LRRIQ3: variants seen among roughly 807,000 people sequenced by gnomAD.
LRRIQ3 encodes leucine rich repeats and IQ motif containing 3, also known as leucine-rich repeat and IQ domain-containing protein 3.
A neutral mutation model predicts 59.3 loss-of-function variants in LRRIQ3; 75 were observed. The observed-to-expected ratio is 1.26, with a 90% CI of 1.05 to 1.53. The LOEUF (loss-of-function observed/expected upper bound fraction) is 1.53, where lower values mean the gene tolerates loss of function less well. Ranked by LOEUF, LRRIQ3 falls within the 40% of genes most tolerant of loss-of-function variation. The pLI, the probability that LRRIQ3 is intolerant of heterozygous loss-of-function variation, is 0.00. For synonymous variants in LRRIQ3, 250 were observed against 231.3 expected, an observed-to-expected ratio of 1.08 and a Z score of -0.73; for missense variants, 831 against 710.0, an observed-to-expected ratio of 1.17 and a Z score of -1.94.
chr1:74,196,285 C>T (rs1460940406), intron 1 of LRRIQ3, among the ~76,000 whole-genome samples: 1 of 152,046 alleles, frequency 6.6e-6, no homozygotes, highest in Non-Finnish European at 1.5e-5. Context: ...CAATTGTTAC[C>T]ACTGGATTTT....
intron 6 of LRRIQ3, among the ~76,000 whole-genome samples, chr1:74,048,261 G>T (rs6424572): frequency 0.83 from 125,779 of 152,120 alleles, 53,534 homozygotes; most frequent in East Asian, 0.97. Flanking sequence ...AGTGCTCAGA[G>T]ACATTGATCA....
At chr1:74,176,902 T>C (rs535843087) in intron 3 of LRRIQ3, among the ~76,000 whole-genome samples, 65 of 152,078 alleles carry the variant, frequency 4.3e-4, no homozygotes, top group Non-Finnish European at 7.9e-4. Context: ...CTACAGGGTG[T>C]TGGGTTGCTT....
At chr1:74,053,944 G>C (rs1654447806) in intron 6 of LRRIQ3, among the ~76,000 whole-genome samples, 1 of 152,080 alleles carries the variant, frequency 6.6e-6, no homozygotes, top group African/African-American at 2.4e-5. Flanking sequence ...CACCACTTTG[G>C]AAGACTGGCA....
At chr1:74,120,367 C>T (rs533527247) in intron 4 of LRRIQ3, among the ~76,000 whole-genome samples, 6 of 152,072 alleles carry the variant, frequency 3.9e-5, no homozygotes, top group Admixed American at 3.3e-4. Flanking sequence ...CCGCCCACCT[C>T]GGCCTTCCAA....
intron 6 of LRRIQ3, among the ~76,000 whole-genome samples, chr1:74,048,505 G>T (rs564673079): frequency 6.6e-6 from 1 of 152,026 alleles, no homozygotes; most frequent in African/African-American, 2.4e-5. Flanking sequence ...CTCAGTGAAC[G>T]ATTAAGTAGC....
At chr1:74,056,955 C>T (rs895064250) in intron 6 of LRRIQ3, among the ~76,000 whole-genome samples, 4 of 152,090 alleles carry the variant, frequency 2.6e-5, no homozygotes, top group African/African-American at 9.7e-5. Context: ...GGCAGTTTCC[C>T]CTGCACTCAC....
At chr1:74,041,015 A>C (rs1391108538) in intron 7 of LRRIQ3, among the ~76,000 whole-genome samples, 198 bp downstream of exon 7, 1 of 151,740 alleles carries the variant, frequency 6.6e-6, no homozygotes, top group Non-Finnish European at 1.5e-5. Context: ...ACAGGTGGAG[A>C]GATGGGGAAA....
chr1:74,026,726 C>T lies in LRRIQ3; in HGVS notation c.*87G>A, dbSNP rs1359403670. ...ATCCATCTTGTGATGTAGAGTATTT[C>T]TTGCTTTAGAGTATTATTTCAAATT... On this transcript the variant is annotated 3_prime_UTR_variant, in exon 8 of 8. Transcript: ENST00000354431. 9.7e-7 allele frequency: 1 copy of T among 1,033,792 alleles called. No individual in the cohort carries two copies. The highest frequency in any genetic ancestry group is 1.4e-6 in the Non-Finnish European group (1 of 710,838). The allele number at this position is 1,033,792 out of a possible 1,614,324, so 64.0% of individuals were successfully genotyped here. A position where few individuals can be genotyped will look rare whatever the true frequency, so the allele number is the denominator to read the frequency against.
At chr1:74,125,450 C>T (rs1434199937) in intron 4 of LRRIQ3, among the ~76,000 whole-genome samples, 1 of 151,366 alleles carries the variant, frequency 6.6e-6, no homozygotes, top group African/African-American at 2.4e-5. Flanking sequence ...TAGAGAAAAG[C>T]CAGTTTTTTC....
intron 3 of LRRIQ3, among the ~76,000 whole-genome samples, chr1:74,167,348 C>T (rs1015526698): frequency 1.6e-4 from 24 of 151,582 alleles, no homozygotes; most frequent in African/African-American, 5.1e-4. Flanking sequence ...AGTGAAGTAA[C>T]TCAGGAATGG....
At chr1:74,132,605 G>T (rs936728505) in intron 4 of LRRIQ3, among the ~76,000 whole-genome samples, 3 of 152,064 alleles carry the variant, frequency 2.0e-5, no homozygotes, top group African/African-American at 7.2e-5. Context: ...ACAAAAACAA[G>T]AAATGGGGAA....
chr1:74,032,427 A>G (rs551274130), intron 7 of LRRIQ3, among the ~76,000 whole-genome samples: 59 of 152,168 alleles, frequency 3.9e-4, no homozygotes, highest in African/African-American at 1.4e-3. Flanking sequence ...CAAGGCTGAA[A>G]TCAAGGTGTC....
At chr1:74,125,704 A>G (rs1646925751) in intron 4 of LRRIQ3, among the ~76,000 whole-genome samples, 2 of 151,926 alleles carry the variant, frequency 1.3e-5, no homozygotes, top group African/African-American at 4.8e-5. Flanking sequence ...GATAAATTCC[A>G]CTTGGTGGTG....
At chr1:74,062,826 T>G (rs922086072) in intron 6 of LRRIQ3, among the ~76,000 whole-genome samples, 2 of 152,046 alleles carry the variant, frequency 1.3e-5, no homozygotes, top group African/African-American at 4.8e-5. Flanking sequence ...CATTGGGGCC[T>G]ACTTGAAGGT....
intron 4 of LRRIQ3, among the ~76,000 whole-genome samples, chr1:74,135,268 C>A (rs896359275): frequency 2.6e-5 from 4 of 151,852 alleles, no homozygotes; most frequent in African/African-American, 9.7e-5. Context: ...AAAAGTGGCA[C>A]AATTGAGGGA....
At chr1:74,190,014 T>C (rs201551968) in intron 1 of LRRIQ3, among the ~76,000 whole-genome samples, 2 of 152,164 alleles carry the variant, frequency 1.3e-5, no homozygotes, top group East Asian at 3.9e-4. Context: ...CAGTATGGCA[T>C]GTAAGGAGCT....
chr1:74,028,838 AG>A (rs991700691), intron 7 of LRRIQ3, among the ~76,000 whole-genome samples: 2 of 152,004 alleles, frequency 1.3e-5, no homozygotes, highest in African/African-American at 2.4e-5. Flanking sequence ...AGTAGCTAAA[AG>A]TTAGCTACTA....
intron 4 of LRRIQ3, among the ~76,000 whole-genome samples, chr1:74,154,085 T>TA (rs1331224928): frequency 6.6e-6 from 1 of 150,910 alleles, no homozygotes; most frequent in Non-Finnish European, 1.5e-5. Context: ...ACTAAAAATA[T>TA]AAAAAATTAG....
At chr1:74,070,455 A>G (rs368528028) in intron 6 of LRRIQ3, among the ~76,000 whole-genome samples, 37 of 152,148 alleles carry the variant, frequency 2.4e-4, no homozygotes, top group African/African-American at 7.9e-4. Flanking sequence ...GAAGGGAGCA[A>G]CAGACACTGG....
Sources: gnomAD v4.1 joint callset for allele counts (sites outside exome capture counted in the v4.1 genomes callset) on GRCh38, gnomAD v4.1.1 for gene constraint, MANE v1.5 for transcripts, NCBI Gene and HGNC (gene_info 2026-07-23, HGNC 2026-07-21) for gene names.